The following STRBP variants were observed in gnomAD, a reference collection of about 807,000 sequenced individuals.
The protein encoded by STRBP is spermatid perinuclear RNA binding protein.
A neutral mutation model predicts 80.1 loss-of-function variants in STRBP; 13 were observed. The ratio of observed to expected loss-of-function variants is 0.16; its 90% confidence interval spans 0.11 to 0.26. The LOEUF (loss-of-function observed/expected upper bound fraction) is 0.26. Ranked by LOEUF, STRBP falls within the 10% of genes least tolerant of loss-of-function variation. The probability of loss-of-function intolerance (pLI) is 1.00; values close to 1 mark genes in which losing one functional copy is unlikely to be tolerated. For missense variants in STRBP, 485 were observed against 815.2 expected, an observed-to-expected ratio of 0.59 and a Z score of 4.93; for synonymous variants, 284 against 291.2, an observed-to-expected ratio of 0.98 and a Z score of 0.25.
intron 2 of STRBP, among the ~76,000 whole-genome samples, chr9:123,220,445 T>A (rs2132553500): frequency 6.6e-6 from 1 of 152,248 alleles, no homozygotes; most frequent in Admixed American, 6.5e-5. Context: ...AAAAGTACAG[T>A]AAAAATATGA....
At chr9:123,150,844 G>A (rs1387229649) in intron 11 of STRBP, among the ~76,000 whole-genome samples, 1 of 152,050 alleles carries the variant, frequency 6.6e-6, no homozygotes, top group African/African-American at 2.4e-5. Context: ...TAAGATGAAC[G>A]GGAAATATTT....
chr9:123,176,785 C>T (rs1406073544), intron 4 of STRBP, among the ~76,000 whole-genome samples: 1 of 152,116 alleles, frequency 6.6e-6, no homozygotes, highest in African/African-American at 2.4e-5. Flanking sequence ...AAAATTGGAA[C>T]ATAGCAGTTA....
intron 3 of STRBP, among the ~76,000 whole-genome samples, chr9:123,181,800 CAAAAAAAAAAAAAAA>C (rs56785428): frequency 7.8e-5 from 2 of 25,762 alleles, no homozygotes; most frequent in Admixed American, 7.9e-4. Flanking sequence ...AACTTCGTCT[CAAAAAAAAAAAAAAA>C]AAAAAAAAAA....
intron 1 of STRBP, among the ~76,000 whole-genome samples, chr9:123,266,611 C>G (rs763975996): frequency 6.6e-6 from 1 of 151,982 alleles, no homozygotes; most frequent in Non-Finnish European, 1.5e-5. Context: ...ACTTCCACTC[C>G]TTGGATCTTC....
chr9:123,144,900 T>C (rs2036748673), intron 13 of STRBP, among the ~76,000 whole-genome samples: 1 of 152,208 alleles, frequency 6.6e-6, no homozygotes, highest in Admixed American at 6.5e-5. Flanking sequence ...TTTCATATCC[T>C]ATAGCTGATA....
intron 2 of STRBP, among the ~76,000 whole-genome samples, chr9:123,198,006 G>A (rs1009109170): frequency 1.3e-5 from 2 of 152,062 alleles, no homozygotes; most frequent in African/African-American, 2.4e-5. Context: ...TCTTTCAGGA[G>A]TAGGGTGGTA....
chr9:123,144,978 T>C (rs2036751583), intron 13 of STRBP, among the ~76,000 whole-genome samples: 1 of 152,230 alleles, frequency 6.6e-6, no homozygotes, highest in Non-Finnish European at 1.5e-5. Context: ...TAATTCATTC[T>C]ACCTGGATGG....
chr9:123,218,489 C>A (rs2039971384), intron 2 of STRBP, among the ~76,000 whole-genome samples: 1 of 150,672 alleles, frequency 6.6e-6, no homozygotes, highest in African/African-American at 2.4e-5. Context: ...CCTGCCTCAG[C>A]CTCCCGAGTA....
chr9:123,228,470 G>A (rs1588132586), intron 2 of STRBP, among the ~76,000 whole-genome samples: 1 of 152,156 alleles, frequency 6.6e-6, no homozygotes, highest in Non-Finnish European at 1.5e-5. Context: ...TGGGGTTGGG[G>A]GACAGGGGGA....
chr9:123,218,537 T>G (rs2039973707), intron 2 of STRBP, among the ~76,000 whole-genome samples: 1 of 149,034 alleles, frequency 6.7e-6, no homozygotes, highest in Admixed American at 6.7e-5. Context: ...GCCCGGCTAA[T>G]TTTTTGTATT....
chr9:123,119,544 G>T (rs114624341), downstream of STRBP, among the ~76,000 whole-genome samples: 354 of 152,128 alleles, frequency 2.3e-3, no homozygotes, highest in African/African-American at 7.5e-3. Flanking sequence ...TGTGTTTCTT[G>T]TCTAACCCCT....
chr9:123,152,578 T>C (rs1017559041), intron 11 of STRBP, among the ~76,000 whole-genome samples: 1 of 151,814 alleles, frequency 6.6e-6, no homozygotes, highest in African/African-American at 2.4e-5. Context: ...ACACAACAAC[T>C]TGGATGGACC....
At chr9:123,161,161 G>T in intron 6 of STRBP, 93 bp from the exon 7 acceptor site, 1 of 985,326 alleles carries the variant, frequency 1.0e-6, no homozygotes, top group Non-Finnish European at 1.5e-6. Context: ...AAGAATAACA[G>T]CATTTGAGTG....
Position 123,122,279 on chromosome 9 carries a change from G to A in STRBP, c.*3318C>T, listed in dbSNP as rs1009706983. 13 of 1,263,082 alleles carry A rather than the reference G, an allele frequency of 1.0e-5. No homozygotes were observed. The highest frequency in any genetic ancestry group is 1.3e-5 in the Non-Finnish European group (13 of 965,430). 78.2% of individuals were successfully genotyped at this position (1,263,082 alleles called of 1,614,324 possible). ...ATGGCTACGAAGGTCCGAGGAGAAC[G>A]AGAATAAAGTGAGATAAACGTGCTG... On this transcript the variant is annotated 3_prime_UTR_variant, in exon 19 of 19. Coordinates refer to ENST00000348403, the MANE Select transcript of STRBP (RefSeq NM_018387.5).
At chr9:123,254,296 C>T (rs1258034471) in intron 1 of STRBP, among the ~76,000 whole-genome samples, 2 of 151,980 alleles carry the variant, frequency 1.3e-5, no homozygotes, top group African/African-American at 4.8e-5. Flanking sequence ...CCCATCTCTA[C>T]TAAAAACACA....
At chr9:123,205,159 G>A (rs2039470725) in intron 2 of STRBP, among the ~76,000 whole-genome samples, 1 of 152,058 alleles carries the variant, frequency 6.6e-6, no homozygotes, top group Admixed American at 6.6e-5. Flanking sequence ...CCAGCTACTT[G>A]AGAGGCTGAG....
intron 2 of STRBP, among the ~76,000 whole-genome samples, chr9:123,207,639 C>A (rs547996391): frequency 6.6e-6 from 1 of 152,128 alleles, no homozygotes; most frequent in Non-Finnish European, 1.5e-5. Context: ...ATGTACATGA[C>A]GGGTCGATGG....
intron 2 of STRBP, among the ~76,000 whole-genome samples, chr9:123,224,488 C>T (rs952177309): frequency 6.6e-6 from 1 of 152,122 alleles, no homozygotes; most frequent in Admixed American, 6.5e-5. Flanking sequence ...TAAAAAATGC[C>T]AAGATAATTC....
rs1211817901 is a variant in STRBP at position 123,136,986 on chromosome 9, G to A, written c.1498-471C>T. Reference sequence around the variant, plus strand: ...TCAGTCACTCTAAACAGATTTAAGGGGACCTAAGGTAAAAACAGTTGGCTA... The same window carrying A: ...TCAGTCACTCTAAACAGATTTAAGGAGACCTAAGGTAAAAACAGTTGGCTA... On this transcript the variant is annotated intron_variant, in intron 14 of 18. Coordinates refer to ENST00000348403, the MANE Select transcript of STRBP (RefSeq NM_018387.5). The surrounding 1 kb of genome is among the most constrained non-coding windows in gnomAD (Gnocchi z 4.2). Among the ~76,000 whole-genome samples, 2 of 152,230 alleles carry A rather than the reference G, an allele frequency of 1.3e-5. No individual in the cohort carries two copies. The highest frequency in any genetic ancestry group is 6.5e-5 in the Admixed American group (1 of 15,290).
Sources: gnomAD v4.1 joint callset for allele counts (sites outside exome capture counted in the v4.1 genomes callset) on GRCh38, gnomAD v4.1.1 for gene constraint, Gnocchi (gnomAD v3.1) non-coding constraint, MANE v1.5 for transcripts, NCBI Gene and HGNC (gene_info 2026-07-23, HGNC 2026-07-21) for gene names.